The following ENOX1 variants were observed in gnomAD, a reference collection of about 807,000 sequenced individuals.
ENOX1 encodes the protein candidate growth-related and time keeping constitutive hydroquinone (NADH) oxidase.
Under a neutral mutation model 82.5 loss-of-function variants are expected in ENOX1, and 42 were observed. The ratio of observed to expected loss-of-function variants is 0.51; its 90% CI spans 0.40 to 0.66. The LOEUF (loss-of-function observed/expected upper bound fraction) is 0.66. Ranked by LOEUF, ENOX1 falls within the 30% of genes least tolerant of loss-of-function variation. The probability of loss-of-function intolerance (pLI) is 0.00; values close to 1 mark genes in which losing one functional copy is unlikely to be tolerated. For missense variants in ENOX1, 608 were observed against 811.6 expected (o/e 0.75, Z 3.05); for synonymous variants, 271 against 282.2 (o/e 0.96, Z 0.40).
intron 1 of ENOX1, among the ~76,000 whole-genome samples, chr13:43,692,368 G>A (rs1007216648): frequency 6.6e-6 from 1 of 152,070 alleles, no homozygotes. Flanking sequence ...AATCCAAGGG[G>A]AGAAAGTTTT....
intron 14 of ENOX1, among the ~76,000 whole-genome samples, chr13:43,239,399 G>A (rs1450172919): frequency 6.6e-6 from 1 of 152,160 alleles, no homozygotes; most frequent in Non-Finnish European, 1.5e-5. Context: ...CCTCTAGGAG[G>A]CAGAAGAACT....
At chr13:43,542,983 C>G (rs903855279) in intron 2 of ENOX1, among the ~76,000 whole-genome samples, 2 of 152,056 alleles carry the variant, frequency 1.3e-5, no homozygotes, top group African/African-American at 2.4e-5. Flanking sequence ...GCTACGTGAC[C>G]CAATCACCTC....
chr13:43,725,072 A>T (rs1164997900), intron 1 of ENOX1, among the ~76,000 whole-genome samples: 1 of 152,086 alleles, frequency 6.6e-6, no homozygotes, highest in Non-Finnish European at 1.5e-5. Context: ...GCATACCTGG[A>T]ATTCAGACAT....
intron 5 of ENOX1, among the ~76,000 whole-genome samples, chr13:43,390,445 CTG>C (rs1156710315): frequency 1.2e-4 from 19 of 152,150 alleles, no homozygotes; most frequent in African/African-American, 4.3e-4. Flanking sequence ...AAGTACAAGA[CTG>C]TGTCAGCCAA....
chr13:43,581,030 A>G (rs1285466434), intron 2 of ENOX1, among the ~76,000 whole-genome samples: 1 of 147,856 alleles, frequency 6.8e-6, no homozygotes, highest in Non-Finnish European at 1.5e-5. Context: ...GAGCTAGTTT[A>G]TTTGCTATAC....
At chr13:43,434,786 G>A (rs139339535) in intron 3 of ENOX1, among the ~76,000 whole-genome samples, 2 of 152,162 alleles carry the variant, frequency 1.3e-5, no homozygotes, top group Non-Finnish European at 2.9e-5. Context: ...ATTGAACTGT[G>A]TAAAAATGAA....
At chr13:43,521,405 T>C (rs1029416337) in intron 2 of ENOX1, among the ~76,000 whole-genome samples, 4 of 152,034 alleles carry the variant, frequency 2.6e-5, no homozygotes, top group African/African-American at 9.7e-5. Context: ...AAGACTGATA[T>C]CAGAGGCTCA....
In ENOX1 at chr13:43,452,466, C is replaced by G. The variant is rs191867358; in HGVS notation, c.-75+31543G>C. Among the ~76,000 whole-genome samples, 11 of 152,286 alleles carry G rather than the reference C, an allele frequency of 7.2e-5. 1 individual carries two copies. Among genetic ancestry groups the G allele is most frequent in the African/African-American group, 2.6e-4 (11 of 41,546 alleles). On this transcript the variant is annotated intron_variant, in intron 3 of 16. Coordinates refer to ENST00000690772, the MANE Select transcript of ENOX1 (RefSeq NM_001347969.2). Reference sequence around the variant, plus strand: ...GAACATGAACTCATCCTTTTTATGGCTGCATTGTATTCCATGGTGTATATG... The same window carrying G: ...GAACATGAACTCATCCTTTTTATGGGTGCATTGTATTCCATGGTGTATATG...
intron 1 of ENOX1, among the ~76,000 whole-genome samples, chr13:43,738,239 T>C (rs557962046): frequency 2.2e-4 from 33 of 152,248 alleles, no homozygotes; most frequent in Admixed American, 5.2e-4. Context: ...AATTAGGCCA[T>C]AGTATTTTAA....
At chr13:43,552,178 T>C (rs1457968943) in intron 2 of ENOX1, among the ~76,000 whole-genome samples, 1 of 152,108 alleles carries the variant, frequency 6.6e-6, no homozygotes, top group Non-Finnish European at 1.5e-5. Flanking sequence ...ATTGACAGTT[T>C]CAACTTCATT....
chr13:43,400,477 T>C (rs985637196), intron 5 of ENOX1, among the ~76,000 whole-genome samples: 1 of 152,226 alleles, frequency 6.6e-6, no homozygotes, highest in Non-Finnish European at 1.5e-5. Context: ...TCTGTTTTCT[T>C]TGAGAGAGTG....
chr13:43,707,722 ACT>A (rs1206863465), intron 1 of ENOX1, among the ~76,000 whole-genome samples: 1 of 116,146 alleles, frequency 8.6e-6, no homozygotes, highest in South Asian at 3.6e-4. Context: ...ACAGAGAAAG[ACT>A]CTGTCTCAAA....
At chr13:43,461,655 T>TAAA (rs1402740499) in intron 3 of ENOX1, among the ~76,000 whole-genome samples, 2 of 152,192 alleles carry the variant, frequency 1.3e-5, no homozygotes, top group Non-Finnish European at 2.9e-5. Context: ...GTATGATTTT[T>TAAA]AAGGGGCTTT....
chr13:43,345,169 A>G (rs2049303230), intron 8 of ENOX1, among the ~76,000 whole-genome samples: 1 of 152,190 alleles, frequency 6.6e-6, no homozygotes, highest in Non-Finnish European at 1.5e-5. Flanking sequence ...CAGTTTTCTC[A>G]TTTATAGAAT....
chr13:43,247,851 A>T (rs1593516128), intron 14 of ENOX1, among the ~76,000 whole-genome samples: 2 of 798 alleles, frequency 2.5e-3, no homozygotes, highest in African/African-American at 5.6e-3. Context: ...ATATATATAT[A>T]TATATATATA....
At chr13:43,770,872 A>G (rs9595014) in intron 1 of ENOX1, among the ~76,000 whole-genome samples, 12,154 of 152,146 alleles carry the variant, frequency 0.08, 734 homozygotes, top group African/African-American at 0.16. Flanking sequence ...TCTAAAAACT[A>G]GCTATTTACT....
intron 2 of ENOX1, among the ~76,000 whole-genome samples, chr13:43,543,256 A>G (rs2078822237): frequency 3.3e-5 from 5 of 152,062 alleles, no homozygotes; most frequent in Admixed American, 3.3e-4. Context: ...AGGAGGGGAA[A>G]AATTGGGGGA....
intron 8 of ENOX1, among the ~76,000 whole-genome samples, chr13:43,354,304 T>C (rs2050003821): frequency 6.6e-6 from 1 of 152,158 alleles, no homozygotes; most frequent in Non-Finnish European, 1.5e-5. Flanking sequence ...TGTATTTACA[T>C]CAGTAAGACA....
intron 2 of ENOX1, among the ~76,000 whole-genome samples, chr13:43,594,568 G>T (rs1321481236): frequency 9.2e-5 from 14 of 152,172 alleles, no homozygotes; most frequent in Non-Finnish European, 4.4e-5. Context: ...TATATAGGTG[G>T]TTAGGATATA....
Sources: allele counts gnomAD v4.1 joint callset (sites outside exome capture counted in the v4.1 genomes callset), GRCh38; gene constraint gnomAD v4.1.1; transcripts MANE v1.5; gene names NCBI Gene and HGNC (gene_info 2026-07-23, HGNC 2026-07-21).